MGAT1: variants seen among roughly 807,000 people sequenced by gnomAD.
MGAT1 encodes the protein N-glycosyl-oligosaccharide-glycoprotein N-acetylglucosaminyltransferase I.
A neutral mutation model predicts 31.7 loss-of-function variants in MGAT1; 14 were observed. The ratio of observed to expected loss-of-function variants is 0.44; its 90% CI spans 0.29 to 0.69. MGAT1 has a LOEUF of 0.69. Among genes scored for constraint, MGAT1 ranks in the 30% least tolerant of loss-of-function variants. The pLI, the probability that MGAT1 is intolerant of heterozygous loss-of-function variation, is 0.12. For missense variants in MGAT1, 557 were observed against 626.0 expected (o/e 0.89, Z 1.18); for synonymous variants, 338 against 276.0 (o/e 1.22, Z -2.23).
At chr5:180,796,318 C>T (rs1399160699) in intron 1 of MGAT1, among the ~76,000 whole-genome samples, 1 of 152,240 alleles carries the variant, frequency 6.6e-6, no homozygotes, top group African/African-American at 2.4e-5. Flanking sequence ...AAACCAACCA[C>T]CCCCACCACG....
chr5:180,791,456 T>G lies in MGAT1; in HGVS notation c.*178A>C. The G allele has an allele frequency of 1.3e-6, 1 of 774,696 alleles. No individual in the cohort carries two copies. Among genetic ancestry groups the G allele is most frequent in the Non-Finnish European group, 2.1e-6 (1 of 483,272 alleles). The allele number at this position is 774,696 out of a possible 1,614,324, so 48.0% of individuals were successfully genotyped here. A position where few individuals can be genotyped will look rare whatever the true frequency, so the allele number is the denominator to read the frequency against. ...GAATAGTTCCCCTGATCTGACTCCC[T>G]TGAGAACGGGAGAATAATCCTCTTG... On this transcript the variant is annotated 3_prime_UTR_variant, in exon 2 of 2. Coordinates refer to ENST00000307826, the MANE Select transcript of MGAT1 (RefSeq NM_002406.4).
upstream of MGAT1, among the ~76,000 whole-genome samples, chr5:180,805,777 T>A (rs1231363844): frequency 2.0e-5 from 3 of 152,030 alleles, no homozygotes; most frequent in African/African-American, 7.3e-5. Flanking sequence ...GCAAATTTTT[T>A]AAATCAGTGT....
chr5:180,794,411 T>TTTTTTATATATA lies in MGAT1; in HGVS notation c.-126-1315_-126-1314insTATATATAAAAA, dbSNP rs528893463. 4.4e-3 allele frequency among the ~76,000 whole-genome samples: 628 copies of TTTTTTATATATA among 142,030 alleles called. 10 individuals are homozygous for TTTTTTATATATA. Among genetic ancestry groups the TTTTTTATATATA allele is most frequent in the African/African-American group, 0.016 (552 of 35,522 alleles). The allele number at this position is 142,030 out of a possible 152,430, so 93.2% of individuals were successfully genotyped here. ...TCTGTCTCAAAAAAATTTTTTTTTA[T>TTTTTTATATATA]TATATATATATATATATGGCATACT... On this transcript the variant is annotated intron_variant, in intron 1 of 1. Transcript: ENST00000307826.
rs2113207793 is a variant in MGAT1, at chr5:180,791,910, A to G, written c.1062T>C (p.Tyr354=). Residue 354 remains tyrosine (Y), a synonymous_variant, in exon 2 of 2, where the codon TAT becomes TAC. Coordinates refer to ENST00000307826, the MANE Select transcript of MGAT1 (RefSeq NM_002406.4). ...AGACGCGGGCGAGGAAATCTCGGTC[A>G]TAGGCCTCCCGCTGCAGGTAAGACA... ...LDLSYLQREA[Y]DRDFLARVYG... The G allele has an allele frequency of 6.2e-7, 1 of 1,614,224 alleles. No individual in the cohort carries two copies. Among genetic ancestry groups the G allele is most frequent in the South Asian group, 1.1e-5 (1 of 91,086 alleles).
In MGAT1 at chr5:180,791,609, G is replaced by A. The variant is rs1156982521; in HGVS notation, c.*25C>T. 2 of 1,606,706 alleles carry A rather than the reference G, an allele frequency of 1.2e-6. No homozygotes were observed. The highest frequency in any genetic ancestry group is 1.1e-5 in the South Asian group (1 of 90,274). ...ACCTCAGCTCATGATGTGGCAAGGA[G>A]GGGCCCAGGAAGGACAGGCAGGTGC... On this transcript the variant is annotated 3_prime_UTR_variant, in exon 2 of 2. Transcript: ENST00000307826.
exon 2 of MGAT1, chr5:180,808,738 C>T (rs541703528): frequency 9.2e-5 from 14 of 152,432 alleles, no homozygotes; most frequent in African/African-American, 3.4e-4. Context: ...AAATCAGATC[C>T]ACCAAAGTGC....
At position 180,788,487 on chromosome 5, in the gene MGAT1, CA is replaced by C. The variant is rs1416548167; in HGVS notation, c.*3146del. 3 of 152,334 alleles carry C rather than the reference CA, an allele frequency of 2.0e-5. No individual in the cohort carries two copies. Among genetic ancestry groups the C allele is most frequent in the Admixed American group, 6.5e-5 (1 of 15,284 alleles). The allele number at this position is 152,334 out of a possible 1,614,324, so 9.4% of individuals were successfully genotyped here. On this transcript the variant is annotated 3_prime_UTR_variant, in exon 2 of 2. Transcript: ENST00000307826. ...TGGAATGGAACAGTCCAGCCTCACA[CA>C]GTGGCTAACAGCACAGAGTTCATTC...
chr5:180,809,356 G>T (rs1218097105), intron 1 of MGAT1: 1 of 152,024 alleles, frequency 6.6e-6, no homozygotes, highest in African/African-American at 2.4e-5. Flanking sequence ...ATAAAAGATG[G>T]ATCGTACCCG....
intron 1 of MGAT1, among the ~76,000 whole-genome samples, chr5:180,801,613 AC>A (rs1056257428): frequency 3.3e-5 from 5 of 152,256 alleles, no homozygotes; most frequent in African/African-American, 1.2e-4. Context: ...TACAAGTGCC[AC>A]AAAAGGCATG....
rs1167654213 is a variant in MGAT1, at chr5:180,792,626, T to G, written c.346A>C (p.Ser116Arg). 1 of 1,599,250 alleles carries G rather than the reference T, an allele frequency of 6.3e-7. No homozygotes were observed. The highest frequency in any genetic ancestry group is 1.3e-5 in the African/African-American group (1 of 74,690). The change falls in exon 2 of 2, where the codon AGC becomes CGC. Residue 116 changes from serine to arginine, a missense_variant. Around this residue, in one of 3 missense-constraint regions of MGAT1, gnomAD observed 245 missense variants for 332.9 expected, o/e 0.74. Transcript: ENST00000307826. ...IPILVIACDR[S>R]TVRRCLDKLL... ...TTGTCCAGGCAGCGCCGAACAGTGC[T>G]GCGGTCACAGGCGATGACCAGGATG...
chr5:180,812,308 A>G (rs75008666), intron 1 of MGAT1, among the ~76,000 whole-genome samples: 15,049 of 152,282 alleles, frequency 0.099, 860 homozygotes, highest in South Asian at 0.18. Context: ...GAACATAGGT[A>G]TAAGCACAGT....
chr5:180,801,787 T>C (rs1246970871), intron 1 of MGAT1, among the ~76,000 whole-genome samples: 1 of 152,328 alleles, frequency 6.6e-6, no homozygotes, highest in East Asian at 1.9e-4. Context: ...ATTTCCCTAC[T>C]GCCCCGAACA....
At chr5:180,793,466 A>C (rs892878512) in intron 1 of MGAT1, among the ~76,000 whole-genome samples, 2 of 152,170 alleles carry the variant, frequency 1.3e-5, no homozygotes. Context: ...CAAATGTCCC[A>C]CCTCAGGGCT....
intron 1 of MGAT1, among the ~76,000 whole-genome samples, chr5:180,799,051 T>C (rs951784485): frequency 6.6e-6 from 1 of 152,146 alleles, no homozygotes; most frequent in Non-Finnish European, 1.5e-5. Context: ...CACCTGTCAC[T>C]AATCTTGCTT....
rs1767671371 is a variant in MGAT1 at position 180,787,752 on chromosome 5, TG to T, written c.*3881del. On this transcript the variant is annotated 3_prime_UTR_variant, in exon 2 of 2. Coordinates refer to ENST00000307826, the MANE Select transcript of MGAT1 (RefSeq NM_002406.4). ...TCTGAGGGCTTCGTCTCCGTTTCCC[TG>T]GCCCCTCAGCCTTGGCAGGCTTCTC... The T allele has an allele frequency of 6.6e-6, 1 of 152,328 alleles. No individual in the cohort carries two copies. The highest frequency in any genetic ancestry group is 1.5e-5 in the Non-Finnish European group (1 of 68,104). 9.4% of individuals were successfully genotyped at this position (152,328 alleles called of 1,614,324 possible).
At chr5:180,814,397 C>T (rs1196223220) in intron 1 of MGAT1, among the ~76,000 whole-genome samples, 3 of 152,224 alleles carry the variant, frequency 2.0e-5, no homozygotes, top group African/African-American at 7.2e-5. Context: ...TCTTGACTCC[C>T]ACGCCAGCAC....
chr5:180,806,534 T>G (rs974075198), upstream of MGAT1, among the ~76,000 whole-genome samples: 3 of 152,090 alleles, frequency 2.0e-5, no homozygotes, highest in Admixed American at 6.5e-5. Flanking sequence ...GCACAGAGCT[T>G]CTCTCCCTGG....
At chr5:180,815,478 G>C (rs925751491) in exon 1 of MGAT1, 2 of 152,358 alleles carry the variant, frequency 1.3e-5, no homozygotes, top group African/African-American at 4.8e-5. Context: ...CAGCAGTCCC[G>C]TTCTCAGGAA....
Position 180,791,264 on chromosome 5 carries a change from G to A in MGAT1, c.*370C>T, listed in dbSNP as rs548934449. On this transcript the variant is annotated 3_prime_UTR_variant, in exon 2 of 2. Transcript: ENST00000307826. ...AGAAGGAGGGCTCGTGCCCTGGCTG[G>A]AAGAGCCAGGTCAGGGAGAAGGGGT... is the stretch of plus-strand genomic sequence containing the variant. 9 of 258,796 alleles carry A rather than the reference G, an allele frequency of 3.5e-5. No individual in the cohort carries two copies. The highest frequency in any genetic ancestry group is 1.5e-4 in the Admixed American group (3 of 19,890). 16.0% of individuals were successfully genotyped at this position (258,796 alleles called of 1,614,324 possible).
Sources: gnomAD v4.1 joint callset for allele counts (sites outside exome capture counted in the v4.1 genomes callset) on GRCh38, gnomAD v4.1.1 for gene constraint, gnomAD v4.1.1 regional missense constraint, MANE v1.5 for transcripts, NCBI Gene and HGNC (gene_info 2026-07-23, HGNC 2026-07-21) for gene names.